The following PPP1R9A variants were observed in gnomAD, a reference collection of about 807,000 sequenced individuals.
PPP1R9A encodes the protein neurabin-1.
Under a neutral mutation model 141.9 loss-of-function variants are expected in PPP1R9A, and 59 were observed. That is an observed-to-expected ratio of 0.42 (90% confidence interval 0.34 to 0.52). The LOEUF (loss-of-function observed/expected upper bound fraction) is 0.52. PPP1R9A is among the 20% of genes least tolerant of loss of function. The pLI is 0.10. For missense variants in PPP1R9A, 1,444 were observed against 1,611.9 expected, an observed-to-expected ratio of 0.90 and a Z score of 1.78; for synonymous variants, 500 against 569.7, an observed-to-expected ratio of 0.88 and a Z score of 1.74.
At chr7:95,022,553 T>C (rs1024053414) in intron 2 of PPP1R9A, among the ~76,000 whole-genome samples, 2 of 152,254 alleles carry the variant, frequency 1.3e-5, no homozygotes, top group East Asian at 3.8e-4. Context: ...CTTTGTCTTG[T>C]GCTGGTTTTC....
chr7:94,934,713 G>A (rs973994876), intron 2 of PPP1R9A, among the ~76,000 whole-genome samples: 11 of 151,910 alleles, frequency 7.2e-5, no homozygotes, highest in African/African-American at 2.4e-4. Context: ...ATATGTCTGT[G>A]TGTGTATACG....
chr7:95,192,838 T>G (rs190270312), intron 5 of PPP1R9A, among the ~76,000 whole-genome samples: 2,268 of 152,240 alleles, frequency 0.015, 24 homozygotes, highest in Non-Finnish European at 0.021. Flanking sequence ...TTTTACATTT[T>G]CTGCTGAATT....
At chr7:95,242,832 C>T (rs1258173376) in intron 8 of PPP1R9A, among the ~76,000 whole-genome samples, 2 of 152,120 alleles carry the variant, frequency 1.3e-5, no homozygotes, top group Non-Finnish European at 2.9e-5. Context: ...TTTCTCCAAA[C>T]CTAGCTTCTC....
chr7:95,252,142 C>T lies in PPP1R9A; in HGVS notation c.2665+12C>T. 6.5e-7 allele frequency: 1 copy of T among 1,547,738 alleles called. No homozygotes were observed. The highest frequency in any genetic ancestry group is 2.3e-5 in the East Asian group (1 of 43,478). ...TGGCCTAAGTCAAGGTTTGTTTAAC[C>T]CAACCACAAAAATCATTTTTGATGA... On this transcript the variant is annotated intron_variant, in intron 12 of 19. Transcript: ENST00000433360.
rs527581881 is a variant in PPP1R9A at position 95,118,462 on chromosome 7, T to G, written c.1529-2250T>G. On this transcript the variant is annotated intron_variant, in intron 3 of 19. Transcript: ENST00000433360. ...GAATCAATGTGGAAGTGCCTTCAGC[T>G]GGGGTTTGCATCAGGCAGCTCATCC... 3.3e-5 allele frequency among the ~76,000 whole-genome samples: 5 copies of G among 152,318 alleles called. No individual in the cohort carries two copies. In the East Asian group the frequency reaches 9.6e-4, roughly 29 times the overall value.
At chr7:94,956,699 C>T (rs151034016) in intron 2 of PPP1R9A, among the ~76,000 whole-genome samples, 1 of 152,042 alleles carries the variant, frequency 6.6e-6, no homozygotes, top group Non-Finnish European at 1.5e-5. Context: ...CAGGGTGAGA[C>T]CTTGTCTCCT....
chr7:94,948,637 C>G (rs1245654560), intron 2 of PPP1R9A, among the ~76,000 whole-genome samples: 1 of 152,106 alleles, frequency 6.6e-6, no homozygotes, highest in Non-Finnish European at 1.5e-5. Flanking sequence ...CTAGCTTTCC[C>G]CTCTCTTTCC....
At chr7:95,084,659 A>C (rs2152305746) in intron 2 of PPP1R9A, among the ~76,000 whole-genome samples, 1 of 152,058 alleles carries the variant, frequency 6.6e-6, no homozygotes, top group East Asian at 1.9e-4. Flanking sequence ...AACATATTGT[A>C]CTTGTTATAA....
intron 2 of PPP1R9A, among the ~76,000 whole-genome samples, chr7:94,923,928 C>T (rs1200347116): frequency 6.6e-6 from 1 of 152,106 alleles, no homozygotes; most frequent in Non-Finnish European, 1.5e-5. Context: ...AATTAAATTG[C>T]CTTACAATAT....
At chr7:95,208,529 C>T (rs145614704) in intron 7 of PPP1R9A, among the ~76,000 whole-genome samples, 32 of 151,990 alleles carry the variant, frequency 2.1e-4, no homozygotes, top group African/African-American at 7.7e-4. Flanking sequence ...TTGAGACCAT[C>T]CTGGCTAACA....
chr7:94,952,144 C>T (rs1796547040), intron 2 of PPP1R9A, among the ~76,000 whole-genome samples: 1 of 152,096 alleles, frequency 6.6e-6, no homozygotes, highest in African/African-American at 2.4e-5. Flanking sequence ...TGATGTTCCC[C>T]TCCCTGTGTC....
At chr7:94,935,360 A>G (rs1037637245) in intron 2 of PPP1R9A, among the ~76,000 whole-genome samples, 1 of 152,192 alleles carries the variant, frequency 6.6e-6, no homozygotes, top group African/African-American at 2.4e-5. Flanking sequence ...GGCCTATGCC[A>G]AAGATAGGTT....
intron 7 of PPP1R9A, among the ~76,000 whole-genome samples, chr7:95,208,036 T>C (rs1213373374): frequency 6.6e-6 from 1 of 152,188 alleles, no homozygotes; most frequent in Non-Finnish European, 1.5e-5. Flanking sequence ...TTTCAAAAGA[T>C]TTTTAAATGG....
chr7:94,994,394 G>T (rs553115938), intron 2 of PPP1R9A, among the ~76,000 whole-genome samples: 2 of 152,032 alleles, frequency 1.3e-5, no homozygotes, highest in African/African-American at 4.8e-5. Flanking sequence ...CCAAGATGCC[G>T]TATTTTGGGA....
At chr7:94,967,710 G>T (rs1798371391) in intron 2 of PPP1R9A, among the ~76,000 whole-genome samples, 1 of 151,788 alleles carries the variant, frequency 6.6e-6, no homozygotes, top group Non-Finnish European at 1.5e-5. Flanking sequence ...TCCTGGCTCA[G>T]TGCAAGCTCT....
intron 16 of PPP1R9A, among the ~76,000 whole-genome samples, chr7:95,282,764 C>T (rs1804521302): frequency 6.6e-6 from 1 of 152,280 alleles, no homozygotes; most frequent in Non-Finnish European, 1.5e-5. Context: ...TCACTGACTT[C>T]TTCATTCTCT....
At chr7:95,249,897 TTCTCA>T in intron 9 of PPP1R9A, 124 bp from the exon 10 acceptor site, 1 of 1,272,562 alleles carries the variant, frequency 7.9e-7, no homozygotes, top group African/African-American at 1.5e-5. Context: ...ATACCTGCTT[TTCTCA>T]TCTCAAGTGG....
intron 5 of PPP1R9A, among the ~76,000 whole-genome samples, chr7:95,181,582 C>CAT (rs995153145): frequency 7.4e-6 from 1 of 135,804 alleles, no homozygotes; most frequent in Non-Finnish European, 1.5e-5. Context: ...TATTCCATCA[C>CAT]ATATATATAG....
intron 5 of PPP1R9A, among the ~76,000 whole-genome samples, chr7:95,171,708 A>G (rs901035584): frequency 6.6e-6 from 1 of 151,636 alleles, no homozygotes; most frequent in East Asian, 1.9e-4. Context: ...TTAAAAAGAA[A>G]ATTGTTTGTT....
Sources: allele counts gnomAD v4.1 joint callset (sites outside exome capture counted in the v4.1 genomes callset), GRCh38; gene constraint gnomAD v4.1.1; transcripts MANE v1.5; gene names NCBI Gene and HGNC (gene_info 2026-07-23, HGNC 2026-07-21).